The following KIAA1328 variants were observed in gnomAD, a reference collection of about 807,000 sequenced individuals.
The protein encoded by KIAA1328 is protein hinderin.
A neutral mutation model predicts 68.1 loss-of-function variants in KIAA1328; 52 were observed. The ratio of observed to expected loss-of-function variants is 0.76; its 90% CI spans 0.61 to 0.96. The LOEUF (loss-of-function observed/expected upper bound fraction) is 0.96. Ranked by LOEUF, KIAA1328 falls within the 40% of genes least tolerant of loss-of-function variation. The pLI is 0.00. For synonymous variants in KIAA1328, 232 were observed against 239.4 expected, an observed-to-expected ratio of 0.97 and a Z score of 0.28; for missense variants, 641 against 677.6, an observed-to-expected ratio of 0.95 and a Z score of 0.60.
At chr18:36,995,663 T>G (rs928537105) in intron 6 of KIAA1328, among the ~76,000 whole-genome samples, 11 of 152,224 alleles carry the variant, frequency 7.2e-5, no homozygotes, top group African/African-American at 2.7e-4. Flanking sequence ...CTCTTAAAAT[T>G]GCATATACAA....
intron 7 of KIAA1328, among the ~76,000 whole-genome samples, chr18:37,141,692 T>G (rs2058767906): frequency 6.6e-6 from 1 of 152,236 alleles, no homozygotes; most frequent in African/African-American, 2.4e-5. Flanking sequence ...CAAAGCTATA[T>G]AACAATTCTC....
At chr18:37,215,803 T>A (rs1323305809) in intron 9 of KIAA1328, among the ~76,000 whole-genome samples, 1 of 152,254 alleles carries the variant, frequency 6.6e-6, no homozygotes, top group Non-Finnish European at 1.5e-5. Context: ...TGGTAGGCTA[T>A]TAATTATTGC....
At chr18:36,853,938 G>A (rs754319339) in intron 4 of KIAA1328, among the ~76,000 whole-genome samples, 6 of 152,258 alleles carry the variant, frequency 3.9e-5, no homozygotes, top group Admixed American at 2.0e-4. Flanking sequence ...GATTATAGGC[G>A]TGAGCCACTG....
intron 4 of KIAA1328, among the ~76,000 whole-genome samples, chr18:36,869,103 A>G (rs2047856972): frequency 6.6e-6 from 1 of 150,530 alleles, no homozygotes; most frequent in Non-Finnish European, 1.5e-5. Context: ...TTTGGGGTCA[A>G]GGGAGTAGTA....
At chr18:37,040,796 A>G (rs1039432817) in intron 6 of KIAA1328, among the ~76,000 whole-genome samples, 2 of 151,060 alleles carry the variant, frequency 1.3e-5, no homozygotes, top group African/African-American at 2.4e-5. Flanking sequence ...TTCCCCTTTG[A>G]CTTCCTTTTC....
intron 5 of KIAA1328, among the ~76,000 whole-genome samples, chr18:36,929,848 T>C (rs1183083909): frequency 6.6e-6 from 1 of 152,070 alleles, no homozygotes; most frequent in Non-Finnish European, 1.5e-5. Context: ...GAGAAATAAA[T>C]GTCTGTTGTT....
chr18:36,829,433 A>G (rs777403233), intron 1 of KIAA1328: 456 of 1,315,454 alleles, frequency 3.5e-4, no homozygotes, highest in Non-Finnish European at 4.2e-4. Flanking sequence ...CCCAGCGCTC[A>G]CTACCGGTGA....
chr18:37,093,361 A>G (rs1368910664), intron 7 of KIAA1328, among the ~76,000 whole-genome samples: 1 of 152,204 alleles, frequency 6.6e-6, no homozygotes, highest in African/African-American at 2.4e-5. Flanking sequence ...AAGGTACTCA[A>G]TGAGATACAA....
chr18:36,841,230 G>T (rs1356749570), intron 3 of KIAA1328, among the ~76,000 whole-genome samples: 1 of 152,000 alleles, frequency 6.6e-6, no homozygotes, highest in African/African-American at 2.4e-5. Flanking sequence ...TCTGCAGCAA[G>T]TTCCCTCTCT....
At chr18:36,858,699 C>T (rs1194638428) in intron 4 of KIAA1328, among the ~76,000 whole-genome samples, 1 of 152,022 alleles carries the variant, frequency 6.6e-6, no homozygotes, top group East Asian at 1.9e-4. Context: ...AAATACTGGT[C>T]AGTTTTTTTG....
At chr18:36,852,798 T>A (rs2047256101) in intron 4 of KIAA1328, among the ~76,000 whole-genome samples, 1 of 152,212 alleles carries the variant, frequency 6.6e-6, no homozygotes, top group Admixed American at 6.5e-5. Context: ...TCTCAAACAG[T>A]AACAGTAGTA....
At chr18:37,208,528 T>G (rs1459709760) in intron 9 of KIAA1328, among the ~76,000 whole-genome samples, 2 of 152,094 alleles carry the variant, frequency 1.3e-5, no homozygotes, top group Non-Finnish European at 2.9e-5. Context: ...CTTCAGTAAT[T>G]GGGAGAAAGT....
intron 6 of KIAA1328, among the ~76,000 whole-genome samples, chr18:37,062,151 G>T (rs1371028445): frequency 6.6e-6 from 1 of 152,118 alleles, no homozygotes; most frequent in Non-Finnish European, 1.5e-5. Context: ...TCTCTGTTAA[G>T]CAATTCAATT....
intron 6 of KIAA1328, among the ~76,000 whole-genome samples, chr18:37,057,391 G>A (rs186280202): frequency 6.9e-4 from 104 of 151,268 alleles, no homozygotes; most frequent in African/African-American, 2.1e-3. Flanking sequence ...ATGGTTGGGG[G>A]AAAAGGATAT....
At chr18:37,124,437 C>T (rs768846884) in intron 7 of KIAA1328, among the ~76,000 whole-genome samples, 31 of 151,948 alleles carry the variant, frequency 2.0e-4, no homozygotes, top group African/African-American at 4.8e-4. Context: ...TCCAAGCTAC[C>T]GCCATTCCCA....
intron 5 of KIAA1328, among the ~76,000 whole-genome samples, chr18:36,953,878 C>A (rs1424191683): frequency 6.6e-6 from 1 of 151,888 alleles, no homozygotes. Context: ...TCTTTGGTCT[C>A]TTAATCTAAA....
intron 3 of KIAA1328, among the ~76,000 whole-genome samples, chr18:36,841,663 C>T (rs2046863094): frequency 6.6e-6 from 1 of 152,142 alleles, no homozygotes; most frequent in Non-Finnish European, 1.5e-5. Flanking sequence ...CTCAACAACT[C>T]AACTCTGCCA....
At chr18:36,876,661 A>T (rs1019556267) in intron 4 of KIAA1328, among the ~76,000 whole-genome samples, 2 of 152,014 alleles carry the variant, frequency 1.3e-5, no homozygotes, top group African/African-American at 2.4e-5. Flanking sequence ...AGGGTTTTTC[A>T]TGTCTCTTAT....
At chr18:37,184,765 C>G (rs1292168356) in intron 9 of KIAA1328, among the ~76,000 whole-genome samples, 1 of 152,148 alleles carries the variant, frequency 6.6e-6, no homozygotes, top group African/African-American at 2.4e-5. Flanking sequence ...CTCTTGATTT[C>G]AGAGTAATTT....
Sources: gnomAD v4.1 joint callset for allele counts (sites outside exome capture counted in the v4.1 genomes callset) on GRCh38, gnomAD v4.1.1 for gene constraint, MANE v1.5 for transcripts, NCBI Gene and HGNC (gene_info 2026-07-23, HGNC 2026-07-21) for gene names.